MTUS2: variants seen among roughly 807,000 people sequenced by gnomAD.
MTUS2 encodes the protein microtubule associated scaffold protein 2.
A neutral mutation model predicts 114.1 loss-of-function variants in MTUS2; 40 were observed. That is an observed-to-expected ratio of 0.35 (90% CI 0.27 to 0.46). The LOEUF is 0.46. Among genes scored for constraint, MTUS2 ranks in the 20% least tolerant of loss-of-function variants. MTUS2 has a pLI of 1.00. For synonymous variants in MTUS2, 688 were observed against 672.0 expected (o/e 1.02, Z -0.37); for missense variants, 1,679 against 1,705.4 (o/e 0.98, Z 0.27).
intron 5 of MTUS2, among the ~76,000 whole-genome samples, chr13:29,199,892 G>A (rs181532984): frequency 4.6e-5 from 7 of 152,224 alleles, no homozygotes; most frequent in South Asian, 2.1e-4. Context: ...TCTATTCGGG[G>A]ATTTGACTTC....
At chr13:28,921,689 A>T (rs559513895) in intron 2 of MTUS2, among the ~76,000 whole-genome samples, 1 of 152,240 alleles carries the variant, frequency 6.6e-6, no homozygotes, top group African/African-American at 2.4e-5. Context: ...AGGCTTGTTG[A>T]GAAACTCAGG....
intron 8 of MTUS2, among the ~76,000 whole-genome samples, chr13:29,389,467 G>GTA (rs67786926): frequency 0.023 from 1,666 of 73,140 alleles, 37 homozygotes; most frequent in Non-Finnish European, 0.031. Context: ...GTGTGTATGT[G>GTA]TATATGTATA....
intron 5 of MTUS2, among the ~76,000 whole-genome samples, chr13:29,110,325 G>A (rs767024123): frequency 2.0e-5 from 3 of 152,214 alleles, no homozygotes; most frequent in Non-Finnish European, 4.4e-5. Flanking sequence ...GCTTTGCACA[G>A]CTTCTCATTT....
At chr13:29,431,358 A>G (rs1050615767) in intron 8 of MTUS2, among the ~76,000 whole-genome samples, 1 of 152,206 alleles carries the variant, frequency 6.6e-6, no homozygotes, top group Non-Finnish European at 1.5e-5. Flanking sequence ...GTGCTTTGTT[A>G]CTATTGGGAC....
intron 2 of MTUS2, among the ~76,000 whole-genome samples, chr13:28,949,810 G>A (rs1882720696): frequency 6.6e-6 from 1 of 151,316 alleles, no homozygotes; most frequent in African/African-American, 2.5e-5. Flanking sequence ...AAGGCTGAAT[G>A]ATATTCCACT....
Position 29,084,790 on chromosome 13 carries a change from C to T in MTUS2, c.2447-15983C>T, listed in dbSNP as rs939442274. On this transcript the variant is annotated intron_variant, in intron 4 of 15. Coordinates refer to ENST00000612955, the MANE Select transcript of MTUS2 (RefSeq NM_001033602.4). ...TGACCTCAGGTGATCCACCCCCCCC[C>T]CTCACCGTTGGCCTTCCAAAGTGCT... Among the ~76,000 whole-genome samples, 6 of 112,946 alleles carry T rather than the reference C, an allele frequency of 5.3e-5. 1 individual carries two copies. Among genetic ancestry groups the T allele is most frequent in the South Asian group, 5.4e-4 (2 of 3,722 alleles). The allele number at this position is 112,946 out of a possible 152,430, so 74.1% of individuals were successfully genotyped here.
At chr13:29,424,098 C>T (rs909471912) in intron 8 of MTUS2, among the ~76,000 whole-genome samples, 9 of 151,340 alleles carry the variant, frequency 5.9e-5, no homozygotes, top group African/African-American at 2.2e-4. Context: ...AACTCCTGAC[C>T]TCAAAGTGAT....
intron 8 of MTUS2, among the ~76,000 whole-genome samples, chr13:29,431,722 C>A (rs549710147): frequency 1.5e-4 from 23 of 152,304 alleles, no homozygotes; most frequent in African/African-American, 5.3e-4. Flanking sequence ...CTTTTAGCCT[C>A]ATTTTATGAA....
At chr13:28,880,560 G>C (rs1248514027) in intron 2 of MTUS2, among the ~76,000 whole-genome samples, 1 of 152,166 alleles carries the variant, frequency 6.6e-6, no homozygotes, top group Non-Finnish European at 1.5e-5. Flanking sequence ...GAAGATCAAT[G>C]TACTTAGAAA....
At chr13:29,021,227 A>C in intron 2 of MTUS2, among the ~76,000 whole-genome samples, 1 of 152,202 alleles carries the variant, frequency 6.6e-6, no homozygotes, top group East Asian at 1.9e-4. Context: ...TGAACGTGCT[A>C]CTGCACTCCA....
chr13:28,946,716 T>C (rs1467880389), intron 2 of MTUS2, among the ~76,000 whole-genome samples: 1 of 151,382 alleles, frequency 6.6e-6, no homozygotes, highest in Non-Finnish European at 1.5e-5. Context: ...ACAACAGGGT[T>C]TTTTTTTTCT....
chr13:29,288,215 A>C (rs1593264779), intron 6 of MTUS2, among the ~76,000 whole-genome samples: 1 of 152,236 alleles, frequency 6.6e-6, no homozygotes, highest in Admixed American at 6.5e-5. Flanking sequence ...TCATGGGCTT[A>C]TCCTTGTGGC....
At chr13:28,923,992 G>A (rs1881190526) in intron 2 of MTUS2, among the ~76,000 whole-genome samples, 1 of 152,126 alleles carries the variant, frequency 6.6e-6, no homozygotes, top group South Asian at 2.1e-4. Flanking sequence ...TGGGAGCAGA[G>A]TGATTCCCCT....
At chr13:28,879,118 A>G (rs1447892703) in intron 2 of MTUS2, among the ~76,000 whole-genome samples, 4 of 152,150 alleles carry the variant, frequency 2.6e-5, no homozygotes, top group Non-Finnish European at 5.9e-5. Context: ...GGCTGCATGA[A>G]TGTCTTCTTT....
chr13:29,042,655 G>T (rs1222771902), intron 4 of MTUS2, among the ~76,000 whole-genome samples: 1 of 151,880 alleles, frequency 6.6e-6, no homozygotes, highest in African/African-American at 2.4e-5. Context: ...GCTTATTACT[G>T]GTCTGTTCGG....
At chr13:28,884,346 A>G (rs2138149735) in intron 2 of MTUS2, among the ~76,000 whole-genome samples, 1 of 152,310 alleles carries the variant, frequency 6.6e-6, no homozygotes, top group South Asian at 2.1e-4. Context: ...TGAGGTACCT[A>G]CATTAGGCAA....
chr13:29,275,440 G>C (rs1379725858), intron 5 of MTUS2, among the ~76,000 whole-genome samples: 12 of 152,110 alleles, frequency 7.9e-5, no homozygotes, highest in Non-Finnish European at 1.0e-4. Context: ...TAGTCACCCT[G>C]TTATCCTAGT....
intron 2 of MTUS2, among the ~76,000 whole-genome samples, chr13:28,935,762 T>G (rs1017190249): frequency 5.3e-5 from 8 of 151,970 alleles, no homozygotes; most frequent in African/African-American, 1.9e-4. Flanking sequence ...CAGGCTCATT[T>G]TTTTTTTTAA....
chr13:29,298,454 T>C (rs1006779124), intron 6 of MTUS2, among the ~76,000 whole-genome samples: 3 of 152,206 alleles, frequency 2.0e-5, no homozygotes, highest in Admixed American at 6.5e-5. Context: ...TGTAATTTGA[T>C]AATATAAGTA....
Sources: allele counts gnomAD v4.1 joint callset (sites outside exome capture counted in the v4.1 genomes callset), GRCh38; gene constraint gnomAD v4.1.1; transcripts MANE v1.5; gene names NCBI Gene and HGNC (gene_info 2026-07-23, HGNC 2026-07-21).